ERC1: variants seen among roughly 807,000 people sequenced by gnomAD.
The protein encoded by ERC1 is RAB6 interacting protein 2.
A neutral mutation model predicts 132.0 loss-of-function variants in ERC1; 56 were observed. The observed-to-expected ratio is 0.42, with a 90% confidence interval of 0.34 to 0.53. The LOEUF is 0.53. Among genes scored for constraint, ERC1 ranks in the 20% least tolerant of loss-of-function variants. ERC1 has a pLI of 0.03. For synonymous variants in ERC1, 478 were observed against 476.1 expected (o/e 1.00, Z -0.05); for missense variants, 1,202 against 1,349.9 (o/e 0.89, Z 1.72).
chr12:1,016,641 T>C (rs1174637363), intron 1 of ERC1, among the ~76,000 whole-genome samples: 4 of 151,066 alleles, frequency 2.6e-5, no homozygotes, highest in South Asian at 2.1e-4. Context: ...TTTTCTTTTT[T>C]TTTTTTTTTT....
rs57458560 is a variant in ERC1, at chr12:1,296,401, C to CTTTTTTTTTTTTTTTTTTT, written c.2780+6400_2780+6418dup. ...AGAAATGAAACATTTATTGGATAGT[C>CTTTTTTTTTTTTTTTTTTT]TTTTTTTTTTTTTTTTTTTTTTTTT... On this transcript the variant is annotated intron_variant, in intron 15 of 18. Coordinates refer to ENST00000360905, the MANE Select transcript of ERC1 (RefSeq NM_178040.4). 5.2e-5 allele frequency among the ~76,000 whole-genome samples: 4 copies of CTTTTTTTTTTTTTTTTTTT among 76,206 alleles called. 1 individual carries two copies. Among genetic ancestry groups the CTTTTTTTTTTTTTTTTTTT allele is most frequent in the Non-Finnish European group, 9.5e-5 (4 of 42,126 alleles). 50.0% of individuals were successfully genotyped at this position (76,206 alleles called of 152,430 possible).
rs117662791 is a variant in ERC1, at chr12:1,181,308, A to G, written c.1876-617A>G. 3.4e-4 allele frequency among the ~76,000 whole-genome samples: 51 copies of G among 152,188 alleles called. 1 individual carries two copies. In the East Asian group the frequency reaches 9.5e-3, roughly 28 times the overall value. On this transcript the variant is annotated intron_variant, in intron 9 of 18. Transcript: ENST00000360905. ...TGTGAATAATATATAGAGAAGAAATATTTGTTAGTTATTGTCCTTAGGGTG... is the reference window on the plus strand; with the variant it reads ...TGTGAATAATATATAGAGAAGAAATGTTTGTTAGTTATTGTCCTTAGGGTG...
chr12:1,459,916 T>C (rs1313980982), intron 18 of ERC1, among the ~76,000 whole-genome samples: 1 of 151,766 alleles, frequency 6.6e-6, no homozygotes, highest in African/African-American at 2.4e-5. Context: ...ATACATAGAG[T>C]GATATAGATA....
At chr12:1,482,133 G>C (rs2094105028) in intron 18 of ERC1, among the ~76,000 whole-genome samples, 1 of 152,180 alleles carries the variant, frequency 6.6e-6, no homozygotes, top group Non-Finnish European at 1.5e-5. Context: ...TGTCTGGCCA[G>C]CCCGGGGGCC....
At chr12:1,288,777 T>G (rs2079208138) in intron 14 of ERC1, among the ~76,000 whole-genome samples, 1 of 152,216 alleles carries the variant, frequency 6.6e-6, no homozygotes, top group Non-Finnish European at 1.5e-5. Context: ...AGATTATTTC[T>G]TGGCAATTAA....
chr12:1,095,397 C>CAAAAAAA (rs59513840), intron 3 of ERC1, among the ~76,000 whole-genome samples: 32 of 132,938 alleles, frequency 2.4e-4, no homozygotes, highest in African/African-American at 8.0e-4. Context: ...GCCACTGCAC[C>CAAAAAAA]AAAAAAAAAA....
chr12:1,269,004 C>T (rs916960546), intron 14 of ERC1, among the ~76,000 whole-genome samples: 1 of 152,136 alleles, frequency 6.6e-6, no homozygotes, highest in Non-Finnish European at 1.5e-5. Context: ...CATGTTCAAG[C>T]TTATGTTCAA....
intron 8 of ERC1, among the ~76,000 whole-genome samples, chr12:1,147,297 A>C (rs1215962365): frequency 1.3e-5 from 2 of 152,120 alleles, no homozygotes; most frequent in Non-Finnish European, 2.9e-5. Context: ...CTTGTATGCC[A>C]ATTTTGCTGA....
chr12:1,276,937 AACT>A (rs2078316586), intron 14 of ERC1, among the ~76,000 whole-genome samples: 1 of 152,216 alleles, frequency 6.6e-6, no homozygotes, highest in Admixed American at 6.6e-5. Flanking sequence ...GGATTTGATA[AACT>A]ACTTTTTCAT....
Position 1,440,667 on chromosome 12 carries a change from T to A in ERC1, c.3025-3895T>A, listed in dbSNP as rs867608369. On this transcript the variant is annotated intron_variant, in intron 17 of 18. Transcript: ENST00000360905. The stretch of plus-strand genomic sequence containing the variant: ...GTGTGTGTGTGTGTGTGTGTGTGTG[T>A]GATGGAGTCTCACTCTGTCGCCCAG... Among the ~76,000 whole-genome samples the A allele has an allele frequency of 5.7e-3, 575 of 101,722 alleles. 2 individuals carry two copies. The highest frequency in any genetic ancestry group is 0.017 in the African/African-American group (429 of 25,252). The allele number at this position is 101,722 out of a possible 152,430, so 66.7% of individuals were successfully genotyped here. A position where few individuals can be genotyped will look rare whatever the true frequency, so the allele number is the denominator to read the frequency against.
intron 13 of ERC1, among the ~76,000 whole-genome samples, chr12:1,247,193 C>G (rs760477835): frequency 6.6e-6 from 1 of 151,228 alleles, no homozygotes; most frequent in Non-Finnish European, 1.5e-5. Flanking sequence ...TGCGCCACTG[C>G]GCTTCAGCCT....
intron 15 of ERC1, among the ~76,000 whole-genome samples, chr12:1,328,771 T>C (rs2082647128): frequency 6.6e-6 from 1 of 152,016 alleles, no homozygotes; most frequent in Non-Finnish European, 1.5e-5. Flanking sequence ...TTGCTTTGTC[T>C]TTTTTTTCTT....
intron 14 of ERC1, 36 bp from the exon 15 acceptor site, chr12:1,289,816 G>A: frequency 6.3e-7 from 1 of 1,590,210 alleles, no homozygotes. Context: ...GATTGATCAA[G>A]ACACTCTGTT....
chr12:1,101,444 G>A (rs985420792), intron 3 of ERC1, among the ~76,000 whole-genome samples: 11 of 152,324 alleles, frequency 7.2e-5, no homozygotes, highest in African/African-American at 2.6e-4. Context: ...TGGTGTGTCT[G>A]GAAGCCTGAG....
intron 13 of ERC1, among the ~76,000 whole-genome samples, chr12:1,259,739 G>A (rs999419371): frequency 6.6e-6 from 1 of 151,866 alleles, no homozygotes; most frequent in Non-Finnish European, 1.5e-5. Flanking sequence ...TGGTCAGGCT[G>A]GTCTCAAACT....
intron 1 of ERC1, among the ~76,000 whole-genome samples, chr12:996,364 A>C (rs906840185): frequency 2.0e-5 from 3 of 148,578 alleles, no homozygotes; most frequent in Admixed American, 1.4e-4. Flanking sequence ...GGCCTCTCAG[A>C]GTGCTGGGAT....
intron 2 of ERC1, among the ~76,000 whole-genome samples, chr12:1,038,251 G>C (rs1969484877): frequency 6.6e-6 from 1 of 151,944 alleles, no homozygotes; most frequent in African/African-American, 2.4e-5. Context: ...CATTTAGGGA[G>C]TTTACCCCAT....
At chr12:1,339,214 T>A (rs2083583621) in intron 15 of ERC1, among the ~76,000 whole-genome samples, 1 of 135,934 alleles carries the variant, frequency 7.4e-6, no homozygotes. Context: ...TTCACTGCAG[T>A]GGCAGAGGCA....
At chr12:1,016,200 A>C (rs1022290757) in intron 1 of ERC1, among the ~76,000 whole-genome samples, 32 of 152,212 alleles carry the variant, frequency 2.1e-4, no homozygotes, top group Admixed American at 6.6e-4. Flanking sequence ...TCAGAATTTC[A>C]CATATAATTA....
Sources: allele counts gnomAD v4.1 joint callset (sites outside exome capture counted in the v4.1 genomes callset), GRCh38; gene constraint gnomAD v4.1.1; transcripts MANE v1.5; gene names NCBI Gene and HGNC (gene_info 2026-07-23, HGNC 2026-07-21).